BMPR1B: variants seen among roughly 807,000 people sequenced by gnomAD.
BMPR1B encodes bone morphogenetic protein receptor type 1B.
A neutral mutation model predicts 59.1 loss-of-function variants in BMPR1B; 12 were observed. That is an observed-to-expected ratio of 0.20 (90% CI 0.13 to 0.33). The LOEUF (loss-of-function observed/expected upper bound fraction) is 0.33. Ranked by LOEUF, BMPR1B falls within the 10% of genes least tolerant of loss-of-function variation. The pLI, the probability that BMPR1B is intolerant of heterozygous loss-of-function variation, is 1.00. For synonymous variants in BMPR1B, 237 were observed against 207.3 expected (o/e 1.14, Z -1.23); for missense variants, 550 against 610.9 (o/e 0.90, Z 1.05).
chr4:94,856,936 A>G (rs969003345), intron 1 of BMPR1B, among the ~76,000 whole-genome samples: 2 of 152,248 alleles, frequency 1.3e-5, no homozygotes, highest in East Asian at 1.9e-4. Context: ...AAAGAGCTCT[A>G]AGGAGAACAG....
intron 3 of BMPR1B, 133 bp downstream of exon 3, chr4:94,996,267 T>A (rs1456016181): frequency 6.6e-6 from 1 of 152,238 alleles, no homozygotes; most frequent in African/African-American, 2.4e-5. Context: ...GTAAGAATGT[T>A]GTTGGTGGCA....
At chr4:94,826,216 G>A (rs1298441688) in intron 1 of BMPR1B, among the ~76,000 whole-genome samples, 1 of 152,218 alleles carries the variant, frequency 6.6e-6, no homozygotes. Flanking sequence ...GGACTGCCTA[G>A]AGATCTTACT....
chr4:95,108,511 C>T (rs1420663862), intron 4 of BMPR1B, among the ~76,000 whole-genome samples: 1 of 152,042 alleles, frequency 6.6e-6, no homozygotes, highest in Non-Finnish European at 1.5e-5. Context: ...CCTGAAATCT[C>T]ACATGCTAAT....
At chr4:95,089,823 G>A (rs1729850385) in intron 3 of BMPR1B, among the ~76,000 whole-genome samples, 1 of 152,010 alleles carries the variant, frequency 6.6e-6, no homozygotes, top group Non-Finnish European at 1.5e-5. Context: ...AGCCTATTAA[G>A]TATAATTTCA....
chr4:95,043,197 A>AG, intron 3 of BMPR1B, among the ~76,000 whole-genome samples: 1 of 150,226 alleles, frequency 6.7e-6, no homozygotes, highest in Admixed American at 6.6e-5. Flanking sequence ...AAAAAAAAAA[A>AG]AAAAAAAAAA....
At chr4:94,928,763 C>T (rs1382405401) in intron 2 of BMPR1B, among the ~76,000 whole-genome samples, 1 of 151,858 alleles carries the variant, frequency 6.6e-6, no homozygotes, top group Non-Finnish European at 1.5e-5. Flanking sequence ...GATATTTTAC[C>T]TGTTTATATC....
intron 2 of BMPR1B, among the ~76,000 whole-genome samples, chr4:94,992,106 C>CA (rs1447699490): frequency 6.6e-6 from 1 of 152,184 alleles, no homozygotes; most frequent in African/African-American, 2.4e-5. Flanking sequence ...CCCAGCCACT[C>CA]AGAGAAGAGC....
intron 2 of BMPR1B, among the ~76,000 whole-genome samples, chr4:94,991,860 G>A (rs1721781302): frequency 6.6e-6 from 1 of 152,204 alleles, no homozygotes; most frequent in Non-Finnish European, 1.5e-5. Flanking sequence ...GCTGAGAATA[G>A]ACTATATGGT....
chr4:94,779,612 C>T (rs1578633672), intron 1 of BMPR1B, among the ~76,000 whole-genome samples: 1 of 152,214 alleles, frequency 6.6e-6, no homozygotes, highest in Non-Finnish European at 1.5e-5. Context: ...CAGTGGATCA[C>T]CTGAGATAAG....
At chr4:94,909,475 GATA>G (rs1430284439) in intron 2 of BMPR1B, among the ~76,000 whole-genome samples, 1 of 151,904 alleles carries the variant, frequency 6.6e-6, no homozygotes, top group Non-Finnish European at 1.5e-5. Flanking sequence ...ACAAAATTGA[GATA>G]ATAATGATGC....
intron 3 of BMPR1B, among the ~76,000 whole-genome samples, chr4:95,036,466 G>T (rs1337082493): frequency 6.6e-6 from 1 of 152,092 alleles, no homozygotes; most frequent in Admixed American, 6.6e-5. Flanking sequence ...AACATGCAAA[G>T]TTTGTCTTTC....
chr4:95,107,927 A>G (rs1731308527), intron 4 of BMPR1B, among the ~76,000 whole-genome samples: 1 of 151,958 alleles, frequency 6.6e-6, no homozygotes, highest in African/African-American at 2.4e-5. Context: ...TTGTCCTAAG[A>G]CCTATATAAA....
At position 95,148,649 on chromosome 4, in the gene BMPR1B, C is replaced by T; in HGVS notation, c.1077-99C>T. The T allele has an allele frequency of 4.8e-6, 6 of 1,258,816 alleles. No individual in the cohort carries two copies. The East Asian group carries it at 7.2e-5, about 15-fold the overall frequency. The allele number at this position is 1,258,816 out of a possible 1,614,324, so 78.0% of individuals were successfully genotyped here. Reference sequence around the variant, plus strand: ...TTATTCCCTGGAAAGTTTTTCTTTTCCACTTTTCACTAACTAAAGCCATTG... The same window carrying T: ...TTATTCCCTGGAAAGTTTTTCTTTTTCACTTTTCACTAACTAAAGCCATTG... On this transcript the variant is annotated intron_variant, in intron 10 of 12. Coordinates refer to ENST00000515059, the MANE Select transcript of BMPR1B (RefSeq NM_001203.3).
chr4:94,961,482 A>T (rs1730351463), intron 2 of BMPR1B, among the ~76,000 whole-genome samples: 1 of 152,108 alleles, frequency 6.6e-6, no homozygotes, highest in African/African-American at 2.4e-5. Flanking sequence ...TTCTGTATTC[A>T]TGCTGATTCC....
At chr4:94,962,690 T>C (rs557820063) in intron 2 of BMPR1B, among the ~76,000 whole-genome samples, 77 of 152,340 alleles carry the variant, frequency 5.1e-4, no homozygotes, top group African/African-American at 1.8e-3. Context: ...TAATATTCCA[T>C]TGTGTATATG....
intron 1 of BMPR1B, among the ~76,000 whole-genome samples, chr4:94,823,468 T>G (rs1055805288): frequency 6.6e-6 from 1 of 152,152 alleles, no homozygotes; most frequent in African/African-American, 2.4e-5. Flanking sequence ...TTTGGGGAGC[T>G]GTGCCCTCAT....
intron 2 of BMPR1B, among the ~76,000 whole-genome samples, chr4:94,934,737 C>A (rs546626895): frequency 6.6e-6 from 1 of 151,964 alleles, no homozygotes; most frequent in African/African-American, 2.4e-5. Flanking sequence ...GTTTTTTCCC[C>A]CTGCAAAATA....
chr4:94,776,787 G>A (rs192862410), intron 1 of BMPR1B, among the ~76,000 whole-genome samples: 333 of 152,092 alleles, frequency 2.2e-3, no homozygotes, highest in African/African-American at 7.5e-3. Context: ...ATGAATACGC[G>A]TTCAATGGAA....
At chr4:94,779,925 A>G (rs773188166) in intron 1 of BMPR1B, among the ~76,000 whole-genome samples, 2 of 152,128 alleles carry the variant, frequency 1.3e-5, no homozygotes, top group Non-Finnish European at 2.9e-5. Context: ...AGCTGTATCA[A>G]ATTATTCTGT....
Sources: gnomAD v4.1 joint callset for allele counts (sites outside exome capture counted in the v4.1 genomes callset) on GRCh38, gnomAD v4.1.1 for gene constraint, MANE v1.5 for transcripts, NCBI Gene and HGNC (gene_info 2026-07-23, HGNC 2026-07-21) for gene names.